Variants in NRDE2 observed in about 807,000 individuals in gnomAD.
The protein encoded by NRDE2 is NRDE-2, necessary for RNA interference, domain containing, also known as nuclear exosome regulator NRDE2.
In NRDE2, 76 loss-of-function variants were observed where a neutral mutation model predicts 124.2. The ratio of observed to expected loss-of-function variants is 0.61; its 90% confidence interval spans 0.51 to 0.74. NRDE2 has a LOEUF of 0.74. Among genes scored for constraint, NRDE2 ranks in the 30% least tolerant of loss-of-function variants. The pLI is 0.00. For missense variants in NRDE2, 1,314 were observed against 1,417.3 expected, an observed-to-expected ratio of 0.93 and a Z score of 1.17; for synonymous variants, 489 against 528.1, an observed-to-expected ratio of 0.93 and a Z score of 1.01.
Position 90,290,521 on chromosome 14 carries a change from G to T in NRDE2, c.1929C>A (p.Phe643Leu), listed in dbSNP as rs993000570. Residue 643 changes from phenylalanine (F) to leucine (L), a missense_variant, in exon 10 of 14, where the codon TTC becomes TTA. Coordinates refer to ENST00000354366, the MANE Select transcript of NRDE2 (RefSeq NM_017970.4). ...GAGTAAAGCCAGAAGGCACACCCAAGAACTGCAGGAAGGCCTCCACCAGCT... is the reference window on the plus strand; with the variant it reads ...GAGTAAAGCCAGAAGGCACACCCAATAACTGCAGGAAGGCCTCCACCAGCT... ...QFQLVEAFLQ[F>L]LGVPSGFTPP... is the part of the protein sequence containing the mutation. 2 of 1,613,964 alleles carry T rather than the reference G, an allele frequency of 1.2e-6. No homozygotes were observed. Among genetic ancestry groups the T allele is most frequent in the South Asian group, 2.2e-5 (2 of 91,078 alleles).
intron 1 of NRDE2, among the ~76,000 whole-genome samples, chr14:90,326,265 C>A (rs1051043581): frequency 6.6e-6 from 1 of 151,738 alleles, no homozygotes; most frequent in Non-Finnish European, 1.5e-5. Context: ...GAGGCCGAGG[C>A]GGGTGGATCA....
intron 3 of NRDE2, 114 bp from the exon 4 acceptor site, chr14:90,312,657 A>C: frequency 2.1e-6 from 2 of 931,898 alleles, no homozygotes; most frequent in Non-Finnish European, 3.4e-6. Context: ...ACATGGCATC[A>C]AACACACCTA....
chr14:90,298,629 C>T (rs1884272351), intron 7 of NRDE2, among the ~76,000 whole-genome samples: 1 of 152,194 alleles, frequency 6.6e-6, no homozygotes, highest in Non-Finnish European at 1.5e-5. Flanking sequence ...CGCATGTGAG[C>T]TGGACCTAGT....
chr14:90,294,128 T>C (rs1325010689), intron 8 of NRDE2, among the ~76,000 whole-genome samples: 1 of 152,082 alleles, frequency 6.6e-6, no homozygotes, highest in South Asian at 2.1e-4. Context: ...GAACAAACCA[T>C]TGATATATGC....
intron 4 of NRDE2, among the ~76,000 whole-genome samples, chr14:90,308,137 C>A (rs1036007528): frequency 6.6e-6 from 1 of 152,114 alleles, no homozygotes; most frequent in African/African-American, 2.4e-5. Flanking sequence ...AAGTTGGCTC[C>A]TAAACATAAG....
Position 90,277,990 on chromosome 14 carries a change from A to C in NRDE2, c.*346T>G. 5.4e-6 allele frequency: 1 copy of C among 185,662 alleles called. No homozygotes were observed. The highest frequency in any genetic ancestry group is 1.4e-4 in the East Asian group (1 of 7,240). The allele number at this position is 185,662 out of a possible 1,614,324, so 11.5% of individuals were successfully genotyped here. ...GACCACCACGACACCAGCGGAGGGA[A>C]CACATTCACCGTGCGGGGGCCAGTG... On this transcript the variant is annotated 3_prime_UTR_variant, in exon 14 of 14. Transcript: ENST00000354366.
At chr14:90,278,987 G>A (rs1891878934) in intron 13 of NRDE2, 75 bp downstream of exon 13, 3 of 1,058,862 alleles carry the variant, frequency 2.8e-6, no homozygotes, top group Non-Finnish European at 3.0e-6. Context: ...GGGCAGGCCG[G>A]GAAGACACTA....
intron 7 of NRDE2, among the ~76,000 whole-genome samples, chr14:90,300,440 G>A (rs761566760): frequency 2.2e-4 from 33 of 152,108 alleles, no homozygotes; most frequent in Non-Finnish European, 4.1e-4. Flanking sequence ...ACTTTTGAAT[G>A]TTCACCATAA....
At position 90,273,106 on chromosome 14, in the gene NRDE2, T is replaced by C. The variant is rs1222599733; in HGVS notation, c.*5230A>G. 8 of 152,302 alleles carry C rather than the reference T, an allele frequency of 5.3e-5. No homozygotes were observed. The highest frequency in any genetic ancestry group is 3.9e-4 in the Admixed American group (6 of 15,296). 9.4% of individuals were successfully genotyped at this position (152,302 alleles called of 1,614,324 possible). A position where few individuals can be genotyped will look rare whatever the true frequency, so the allele number is the denominator to read the frequency against. On this transcript the variant is annotated 3_prime_UTR_variant, in exon 14 of 14. Transcript: ENST00000354366. ...CTCCGTCTATTTCCGTCATTTCTCT[T>C]TCTGAACAAATCAGGCCTAAAGCTA...
chr14:90,273,936 C>T lies in NRDE2; in HGVS notation c.*4400G>A, dbSNP rs1891732675. On this transcript the variant is annotated 3_prime_UTR_variant, in exon 14 of 14. Coordinates refer to ENST00000354366, the MANE Select transcript of NRDE2 (RefSeq NM_017970.4). ...ATGGATCCTTGTGATTGCATTGGAC[C>T]CATGCAGATGATCCAGGATAATTTC... 6.5e-6 allele frequency: 1 copy of T among 154,768 alleles called. No homozygotes were observed. Among genetic ancestry groups the T allele is most frequent in the South Asian group, 2.0e-4 (1 of 4,918 alleles). The allele number at this position is 154,768 out of a possible 1,614,324, so 9.6% of individuals were successfully genotyped here.
chr14:90,330,969 C>T (rs1885672314), intron 1 of NRDE2, among the ~76,000 whole-genome samples: 1 of 151,876 alleles, frequency 6.6e-6, no homozygotes, highest in Admixed American at 6.6e-5. Flanking sequence ...CCCCCCACCC[C>T]AGGGCAGGAT....
intron 12 of NRDE2, chr14:90,279,370 T>C: frequency 4.1e-6 from 2 of 485,570 alleles, no homozygotes; most frequent in Non-Finnish European, 7.4e-6. Context: ...GTGTCAATCC[T>C]GAACACTACT....
At chr14:90,283,335 C>G (rs924817290) in intron 12 of NRDE2, among the ~76,000 whole-genome samples, 1 of 152,182 alleles carries the variant, frequency 6.6e-6, no homozygotes, top group Non-Finnish European at 1.5e-5. Flanking sequence ...CCGAACCAAA[C>G]TAGGCTCATG....
intron 4 of NRDE2, among the ~76,000 whole-genome samples, chr14:90,310,450 T>C (rs1884786526): frequency 6.6e-6 from 1 of 151,722 alleles, no homozygotes; most frequent in Non-Finnish European, 1.5e-5. Flanking sequence ...TCAGACAGGC[T>C]AACTTAAGTG....
chr14:90,321,549 T>TAAAAAAAA (rs1012195271), intron 1 of NRDE2, among the ~76,000 whole-genome samples: 2 of 108,810 alleles, frequency 1.8e-5, no homozygotes, highest in African/African-American at 3.4e-5. Flanking sequence ...CCAGCTCTAT[T>TAAAAAAAA]AAAAAAAAAA....
intron 1 of NRDE2, among the ~76,000 whole-genome samples, chr14:90,329,990 T>TA (rs1397494763): frequency 1.3e-5 from 2 of 151,652 alleles, no homozygotes; most frequent in African/African-American, 4.8e-5. Flanking sequence ...GCGAATCACT[T>TA]AAAGTTAGGA....
intron 3 of NRDE2, among the ~76,000 whole-genome samples, chr14:90,313,990 G>A (rs1884950213): frequency 6.6e-6 from 1 of 152,184 alleles, no homozygotes; most frequent in Non-Finnish European, 1.5e-5. Flanking sequence ...ATGCATTTGA[G>A]AAATAAATGG....
intron 4 of NRDE2, 23 bp from the exon 5 acceptor site, chr14:90,304,405 A>T (rs1446032247): frequency 1.3e-6 from 2 of 1,546,462 alleles, no homozygotes; most frequent in Non-Finnish European, 1.7e-6. Context: ...AAAGAAAAAA[A>T]GTTACTGAGG....
Position 90,268,420 on chromosome 14 carries a change from T to C in NRDE2, c.*9916A>G. 1.9e-6 allele frequency: 3 copies of C among 1,613,686 alleles called. No homozygotes were observed. The highest frequency in any genetic ancestry group is 1.7e-6 in the Non-Finnish European group (2 of 1,179,724). On this transcript the variant is annotated 3_prime_UTR_variant, in exon 14 of 14. Transcript: ENST00000354366. ...ACGCCATTGGGACAAAAAGGTAGAC[T>C]TTCTCATACTTATTTTGCCTTGTTT...
Sources: allele counts gnomAD v4.1 joint callset (sites outside exome capture counted in the v4.1 genomes callset), GRCh38; gene constraint gnomAD v4.1.1; transcripts MANE v1.5; gene names NCBI Gene and HGNC (gene_info 2026-07-23, HGNC 2026-07-21).